ATP8B4: variants seen among roughly 807,000 people sequenced by gnomAD.
ATP8B4 encodes ATPase phospholipid transporting 8B4 (putative), also known as probable phospholipid-transporting ATPase IM.
In ATP8B4, 133 loss-of-function variants were observed where a neutral mutation model predicts 145.6. That is an observed-to-expected ratio of 0.91 (90% CI 0.79 to 1.05). The LOEUF (loss-of-function observed/expected upper bound fraction) is 1.05, where lower values mean the gene tolerates loss of function less well. Ranked by LOEUF, ATP8B4 falls within the 50% of genes least tolerant of loss-of-function variation. The pLI, the probability that ATP8B4 is intolerant of heterozygous loss-of-function variation, is 0.00. For synonymous variants in ATP8B4, 507 were observed against 492.9 expected, an observed-to-expected ratio of 1.03 and a Z score of -0.38; for missense variants, 1,458 against 1,425.2, an observed-to-expected ratio of 1.02 and a Z score of -0.37.
At chr15:50,169,546 C>T (rs1329991958) in intron 1 of ATP8B4, among the ~76,000 whole-genome samples, 2 of 152,216 alleles carry the variant, frequency 1.3e-5, no homozygotes, top group Non-Finnish European at 2.9e-5. Context: ...CAGCCCTAGA[C>T]CTTCCCTCTG....
intron 9 of ATP8B4, among the ~76,000 whole-genome samples, chr15:49,990,837 C>G (rs538546492): frequency 1.3e-5 from 2 of 152,266 alleles, no homozygotes; most frequent in African/African-American, 4.8e-5. Context: ...AATAAAACAT[C>G]AATATTGCTG....
At chr15:49,948,290 A>C (rs2042756002) in intron 14 of ATP8B4, among the ~76,000 whole-genome samples, 2 of 151,260 alleles carry the variant, frequency 1.3e-5, no homozygotes, top group Admixed American at 1.3e-4. Context: ...ACAAAAAAAA[A>C]AAAAAAAAAT....
intron 21 of ATP8B4, among the ~76,000 whole-genome samples, chr15:49,899,649 T>C (rs575371296): frequency 1.2e-4 from 19 of 152,192 alleles, no homozygotes; most frequent in Admixed American, 2.6e-4. Flanking sequence ...CTCTCTCTCT[T>C]TTTTATTATC....
At chr15:49,891,773 C>G (rs2036830893) in intron 23 of ATP8B4, among the ~76,000 whole-genome samples, 1 of 152,136 alleles carries the variant, frequency 6.6e-6, no homozygotes, top group Non-Finnish European at 1.5e-5. Context: ...AGCAAGTTGA[C>G]AATGTCATGT....
At chr15:50,088,684 G>A (rs779174497) in intron 2 of ATP8B4, among the ~76,000 whole-genome samples, 14 of 152,170 alleles carry the variant, frequency 9.2e-5, no homozygotes, top group South Asian at 6.2e-4. Flanking sequence ...TTTCTGCCCC[G>A]CCCCCGACCA....
At chr15:50,133,235 G>A (rs2044072635) in intron 1 of ATP8B4, among the ~76,000 whole-genome samples, 1 of 152,138 alleles carries the variant, frequency 6.6e-6, no homozygotes, top group Admixed American at 6.5e-5. Flanking sequence ...AAATAGACCA[G>A]AAACAGAAAG....
intron 6 of ATP8B4, among the ~76,000 whole-genome samples, chr15:50,028,122 C>T (rs1442737667): frequency 6.6e-6 from 1 of 152,204 alleles, no homozygotes; most frequent in Non-Finnish European, 1.5e-5. Context: ...TCCACAATGT[C>T]ACTGCCAGAG....
rs2053571319 is a variant in ATP8B4, at chr15:50,069,192, T to C, written c.87+4935A>G. ...TTTTGTCTTACACATTTTGGCAGTC[T>C]AAATCCCTCTTGTAATTTGACGTTT... On this transcript the variant is annotated intron_variant, in intron 3 of 27. Transcript: ENST00000284509. 2.0e-5 allele frequency among the ~76,000 whole-genome samples: 3 copies of C among 152,344 alleles called. No individual in the cohort carries two copies. In the South Asian group the frequency reaches 6.2e-4, roughly 32 times the overall value.
chr15:50,108,424 A>C (rs1169801211), intron 1 of ATP8B4, among the ~76,000 whole-genome samples: 1 of 151,462 alleles, frequency 6.6e-6, no homozygotes, highest in Non-Finnish European at 1.5e-5. Flanking sequence ...CAGGAAAAAA[A>C]CTCTAACATG....
intron 23 of ATP8B4, among the ~76,000 whole-genome samples, chr15:49,882,264 G>C (rs1013654356): frequency 1.3e-5 from 2 of 152,146 alleles, no homozygotes; most frequent in African/African-American, 4.8e-5. Flanking sequence ...TCCCAGCCCA[G>C]AGCAGCAGTT....
In ATP8B4 at chr15:49,858,923, G is replaced by C. The variant is rs2031151119; in HGVS notation, c.*1271C>G. 6.6e-6 allele frequency: 1 copy of C among 152,128 alleles called. No individual in the cohort carries two copies. The highest frequency in any genetic ancestry group is 6.5e-5 in the Admixed American group (1 of 15,280). 9.4% of individuals were successfully genotyped at this position (152,128 alleles called of 1,614,324 possible). ...TAATTTCAGAGTTTGTGCTTTGACAGACAATCATCAACCAACCACATGAGG... is the reference window on the plus strand; with the variant it reads ...TAATTTCAGAGTTTGTGCTTTGACACACAATCATCAACCAACCACATGAGG... On this transcript the variant is annotated 3_prime_UTR_variant, in exon 28 of 28. Coordinates refer to ENST00000284509, the MANE Select transcript of ATP8B4 (RefSeq NM_024837.4).
chr15:49,863,588 G>GTA (rs2032245499), intron 26 of ATP8B4, among the ~76,000 whole-genome samples: 1 of 152,172 alleles, frequency 6.6e-6, no homozygotes, highest in Non-Finnish European at 1.5e-5. Flanking sequence ...TTGGGTATGA[G>GTA]GGCTTGGCTA....
intron 17 of ATP8B4, among the ~76,000 whole-genome samples, chr15:49,920,768 T>C (rs2040189095): frequency 6.6e-6 from 1 of 152,160 alleles, no homozygotes. Context: ...GAAGGAAGCA[T>C]TTCTGGCCAT....
At chr15:50,096,745 G>T (rs535898705) in intron 2 of ATP8B4, among the ~76,000 whole-genome samples, 1 of 152,200 alleles carries the variant, frequency 6.6e-6, no homozygotes, top group East Asian at 1.9e-4. Context: ...GCATCTTTTT[G>T]CACAGAATTT....
chr15:49,898,127 T>A lies in ATP8B4; in HGVS notation c.2414A>T (p.Tyr805Phe). The change falls in exon 22 of 28, where the codon TAC becomes TTC. Residue 805 changes from tyrosine to phenylalanine, a missense_variant. Coordinates refer to ENST00000284509, the MANE Select transcript of ATP8B4 (RefSeq NM_024837.4). ...AATGGCCAAAGTAACAGCATTTCTG[T>A]ACTTCTTCACCAGCTCTACCACTTG... ...KAQVVELVKK[Y>F]RNAVTLAIGD... is the part of the protein sequence containing the mutation. 6 of 1,613,960 alleles carry A rather than the reference T, an allele frequency of 3.7e-6. No homozygotes were observed. Among genetic ancestry groups the A allele is most frequent in the Non-Finnish European group, 5.1e-6 (6 of 1,179,894 alleles).
intron 19 of ATP8B4, 73 bp downstream of exon 19, chr15:49,918,766 G>A: frequency 9.2e-7 from 1 of 1,085,082 alleles, no homozygotes. Context: ...TAACCTTTCT[G>A]GTTAATTAAA....
At chr15:50,123,264 T>C (rs917784624), upstream of ATP8B4, among the ~76,000 whole-genome samples, 6 of 152,208 alleles carry the variant, frequency 3.9e-5, no homozygotes, top group Non-Finnish European at 8.8e-5. Flanking sequence ...TTCCTGGGCA[T>C]AGGCTGAACT....
intron 1 of ATP8B4, among the ~76,000 whole-genome samples, chr15:50,162,390 T>A (rs1220054215): frequency 1.3e-5 from 2 of 152,068 alleles, no homozygotes; most frequent in South Asian, 4.2e-4. Context: ...TTTTCTGTTA[T>A]TTCTCCCTTG....
chr15:49,949,727 G>A (rs2042901619), intron 14 of ATP8B4, among the ~76,000 whole-genome samples: 1 of 151,890 alleles, frequency 6.6e-6, no homozygotes, highest in African/African-American at 2.4e-5. Context: ...TGGTGAGAGA[G>A]GGCATCTTGC....
Sources: gnomAD v4.1 joint callset for allele counts (sites outside exome capture counted in the v4.1 genomes callset) on GRCh38, gnomAD v4.1.1 for gene constraint, MANE v1.5 for transcripts, NCBI Gene and HGNC (gene_info 2026-07-23, HGNC 2026-07-21) for gene names.